The following SLC38A12 variants were observed in gnomAD, a reference collection of about 807,000 sequenced individuals.
SLC38A12 encodes the protein solute carrier family 38 member 12.
chr17:74,794,960 A>C, the SLC38A12 span: 29 of 1,458,686 alleles, frequency 2.0e-5, no homozygotes, highest in Non-Finnish European at 2.7e-5. Context: ...AAAAAAAAAA[A>C]CATGCAGACA....
chr17:74,819,866 GTC>G, the SLC38A12 span: 1 of 1,599,704 alleles, frequency 6.3e-7, no homozygotes, highest in Non-Finnish European at 8.6e-7. Flanking sequence ...AACAGCTCGA[GTC>G]TCTGCGCTTT....
At chr17:74,791,015 G>A in the SLC38A12 span, 40 of 1,613,860 alleles carry the variant, frequency 2.5e-5, no homozygotes, top group Non-Finnish European at 3.1e-5. Flanking sequence ...GGGACAAATG[G>A]CCTCCATGTT....
chr17:74,786,725 C>T, the SLC38A12 span, among the ~76,000 whole-genome samples: 8 of 152,032 alleles, frequency 5.3e-5, no homozygotes, highest in African/African-American at 9.7e-5. Flanking sequence ...TAGGAAAACG[C>T]CCATGGTTTT....
the SLC38A12 span, among the ~76,000 whole-genome samples, chr17:74,807,345 G>A: frequency 2.0e-5 from 3 of 152,192 alleles, no homozygotes; most frequent in Non-Finnish European, 4.4e-5. Context: ...TCACCTTTCC[G>A]TCTAGAGCCA....
the SLC38A12 span, among the ~76,000 whole-genome samples, chr17:74,820,926 A>G: frequency 6.6e-6 from 1 of 152,204 alleles, no homozygotes; most frequent in Non-Finnish European, 1.5e-5. Flanking sequence ...CTGGTTCCCC[A>G]GTCTCAGGAT....
chr17:74,827,597 C>T, the SLC38A12 span, among the ~76,000 whole-genome samples: 61 of 152,210 alleles, frequency 4.0e-4, 1 homozygote, highest in East Asian at 0.011. The surrounding 1 kb of genome is among the most constrained non-coding windows in gnomAD (Gnocchi z 4.7). Flanking sequence ...TGCCCGGCCG[C>T]ATCTGCATTT....
At chr17:74,788,073 C>T in the SLC38A12 span, among the ~76,000 whole-genome samples, 2 of 152,146 alleles carry the variant, frequency 1.3e-5, no homozygotes, top group Non-Finnish European at 2.9e-5. Flanking sequence ...GGTTTACAGG[C>T]ATGAGCCACC....
the SLC38A12 span, among the ~76,000 whole-genome samples, chr17:74,786,229 G>A: frequency 0.014 from 2,179 of 152,320 alleles, 55 homozygotes; most frequent in African/African-American, 0.05. Context: ...CACACACGTA[G>A]GGACTAGTCT....
chr17:74,803,376 C>G, the SLC38A12 span, among the ~76,000 whole-genome samples: 11 of 152,138 alleles, frequency 7.2e-5, no homozygotes, highest in African/African-American at 2.7e-4. Context: ...TCCCCTTCCC[C>G]TCTCCCCATC....
the SLC38A12 span, among the ~76,000 whole-genome samples, chr17:74,798,055 G>A: frequency 6.6e-6 from 1 of 152,158 alleles, no homozygotes; most frequent in Non-Finnish European, 1.5e-5. Context: ...TTCACTCAGT[G>A]TTCAGCAAGG....
At chr17:74,823,278 T>A in the SLC38A12 span, among the ~76,000 whole-genome samples, 1 of 151,990 alleles carries the variant, frequency 6.6e-6, no homozygotes, top group Admixed American at 6.6e-5. Flanking sequence ...GACCGGAAAA[T>A]CATAAATAAA....
At chr17:74,778,025 A>C in the SLC38A12 span, among the ~76,000 whole-genome samples, 1 of 152,232 alleles carries the variant, frequency 6.6e-6, no homozygotes, top group African/African-American at 2.4e-5. Flanking sequence ...TCATCTCAGC[A>C]GTTGGAAACC....
the SLC38A12 span, chr17:74,836,299 A>C: frequency 6.2e-7 from 1 of 1,612,414 alleles, no homozygotes; most frequent in Non-Finnish European, 8.5e-7. This position sits in a 1 kb window ranked among gnomAD's most constrained non-coding sequence, Gnocchi z 4.2. Flanking sequence ...ATCAGCACCA[A>C]CTTCCCCATC....
At chr17:74,790,176 C>T in the SLC38A12 span, 3 of 1,595,320 alleles carry the variant, frequency 1.9e-6, no homozygotes, top group Non-Finnish European at 2.6e-6. Context: ...CTCCCTCCTC[C>T]TCGTCCATCC....
At chr17:74,785,458 G>C in the SLC38A12 span, 2 of 1,604,352 alleles carry the variant, frequency 1.2e-6, no homozygotes, top group Non-Finnish European at 1.7e-6. Context: ...TTCCGGGCTT[G>C]AATGTTGCCT....
chr17:74,804,929 A>G, the SLC38A12 span, among the ~76,000 whole-genome samples: 3 of 152,236 alleles, frequency 2.0e-5, no homozygotes, highest in African/African-American at 7.2e-5. Flanking sequence ...CCCCTGGATC[A>G]GGAAAGTGTT....
chr17:74,828,132 C>T, the SLC38A12 span, among the ~76,000 whole-genome samples: 1 of 152,204 alleles, frequency 6.6e-6, no homozygotes, highest in Non-Finnish European at 1.5e-5. Flanking sequence ...AGACAGCCAC[C>T]GTGACGGATG....
At chr17:74,813,941 C>T in the SLC38A12 span, among the ~76,000 whole-genome samples, 6 of 152,324 alleles carry the variant, frequency 3.9e-5, no homozygotes, top group East Asian at 7.7e-4. Context: ...GCTCCGTCTC[C>T]TTCCAGCCAG....
At chr17:74,779,772 A>G in the SLC38A12 span, among the ~76,000 whole-genome samples, 47,026 of 152,132 alleles carry the variant, frequency 0.31, 9,187 homozygotes, top group East Asian at 0.67. Flanking sequence ...TTACAAGACA[A>G]AGCCTCTCCT....
Sources: gnomAD v4.1 joint callset for allele counts (sites outside exome capture counted in the v4.1 genomes callset) on GRCh38, gnomAD v4.1.1 for gene constraint, Gnocchi (gnomAD v3.1) non-coding constraint, MANE v1.5 for transcripts, NCBI Gene and HGNC (gene_info 2026-07-23, HGNC 2026-07-21) for gene names.